ADSS2: variants seen among roughly 807,000 people sequenced by gnomAD.
ADSS2 encodes adenylosuccinate synthetase isozyme 2.
In ADSS2, 30 loss-of-function variants were observed where a neutral mutation model predicts 60.0. The observed-to-expected ratio is 0.50, with a 90% confidence interval of 0.37 to 0.68. The LOEUF (loss-of-function observed/expected upper bound fraction) is 0.68. Ranked by LOEUF, ADSS2 falls within the 30% of genes least tolerant of loss-of-function variation. The probability of loss-of-function intolerance (pLI) is 0.00; values close to 1 mark genes in which losing one functional copy is unlikely to be tolerated. For missense variants in ADSS2, 373 were observed against 554.8 expected (o/e 0.67, Z 3.29); for synonymous variants, 187 against 193.1 (o/e 0.97, Z 0.26).
In ADSS2 at chr1:244,451,504, G is replaced by A; in HGVS notation, c.183+131C>T. On this transcript the variant is annotated intron_variant, in intron 1 of 12. Coordinates refer to ENST00000366535, the MANE Select transcript of ADSS2 (RefSeq NM_001126.5). This position sits in a 1 kb window ranked among gnomAD's most constrained non-coding sequence, Gnocchi z 6.6. The stretch of plus-strand genomic sequence containing the variant: ...CACGTAGCCGCAGCTCAGGACAGGA[G>A]GAGAGAGCCTCAAGGTGACACCTCA... 1 of 1,019,622 alleles carries A rather than the reference G, an allele frequency of 9.8e-7. No homozygotes were observed. Among genetic ancestry groups the A allele is most frequent in the Non-Finnish European group, 1.4e-6 (1 of 716,768 alleles). The allele number at this position is 1,019,622 out of a possible 1,614,324, so 63.2% of individuals were successfully genotyped here.
chr1:244,437,752 C>A lies in ADSS2; in HGVS notation c.200G>T (p.Gly67Val), dbSNP rs1356175146. The A allele has an allele frequency of 1.9e-6, 3 of 1,604,832 alleles. No individual in the cohort carries two copies. Among genetic ancestry groups the A allele is most frequent in the Non-Finnish European group, 2.6e-6 (3 of 1,171,800 alleles). The change falls in exon 2 of 13, where the codon GGC (glycine) becomes GTC (valine). Residue 67 changes from glycine to valine, a missense_variant. Around this residue, in one of 5 missense-constraint regions of ADSS2, gnomAD observed 29 missense variants for 73.3 expected, o/e 0.40. Coordinates refer to ENST00000366535, the MANE Select transcript of ADSS2 (RefSeq NM_001126.5). Reference sequence around the variant, plus strand: ...CACAGAATCCACAACAACTGTATGGCCAGCATTATTTCCTCCCTAAAATGT... The same window carrying A: ...CACAGAATCCACAACAACTGTATGGACAGCATTATTTCCTCCCTAAAATGT... Reference protein sequence around the residue: ...VCRCQGGNNAGHTVVVDSVEY... With the variant: ...VCRCQGGNNAVHTVVVDSVEY...
At chr1:244,450,813 T>C (rs1213775341) in intron 1 of ADSS2, among the ~76,000 whole-genome samples, 1 of 152,212 alleles carries the variant, frequency 6.6e-6, no homozygotes, top group African/African-American at 2.4e-5. Context: ...CATTACCACC[T>C]CGTTTTCCGA....
At chr1:244,437,126 CTAAT>C (rs1237576619) in intron 2 of ADSS2, among the ~76,000 whole-genome samples, 3 of 152,026 alleles carry the variant, frequency 2.0e-5, no homozygotes, top group Non-Finnish European at 2.9e-5. Context: ...TTGAAGGAAA[CTAAT>C]TATGTAATTT....
chr1:244,443,154 G>A (rs563901044), intron 1 of ADSS2, among the ~76,000 whole-genome samples: 1 of 152,286 alleles, frequency 6.6e-6, no homozygotes, highest in Non-Finnish European at 1.5e-5. Flanking sequence ...CAAATGATGG[G>A]AGATATTTTG....
At chr1:244,427,345 T>G (rs1455398349) in intron 4 of ADSS2, among the ~76,000 whole-genome samples, 1 of 151,996 alleles carries the variant, frequency 6.6e-6, no homozygotes, top group African/African-American at 2.4e-5. Context: ...CATAAATTCA[T>G]AAAACAAGAG....
intron 5 of ADSS2, 92 bp downstream of exon 5, chr1:244,424,229 T>C (rs1664742980): frequency 6.0e-6 from 8 of 1,326,924 alleles, no homozygotes; most frequent in African/African-American, 1.5e-5. Flanking sequence ...GATATTCTAA[T>C]ACTTATTTTT....
At chr1:244,437,129 A>G (rs979306973) in intron 2 of ADSS2, among the ~76,000 whole-genome samples, 3 of 152,192 alleles carry the variant, frequency 2.0e-5, no homozygotes, top group African/African-American at 7.2e-5. Context: ...AAGGAAACTA[A>G]TTATGTAATT....
At chr1:244,441,698 T>C (rs1665252269) in intron 1 of ADSS2, among the ~76,000 whole-genome samples, 1 of 152,080 alleles carries the variant, frequency 6.6e-6, no homozygotes, top group Non-Finnish European at 1.5e-5. Flanking sequence ...GGCTCACACC[T>C]GTAATCCCAG....
chr1:244,448,022 C>T (rs1442223927), intron 1 of ADSS2, among the ~76,000 whole-genome samples: 1 of 151,972 alleles, frequency 6.6e-6, no homozygotes, highest in East Asian at 1.9e-4. Context: ...GTATAACAGA[C>T]ATTGGTAAAT....
chr1:244,435,788 T>C (rs959343071), intron 3 of ADSS2, among the ~76,000 whole-genome samples: 3 of 152,256 alleles, frequency 2.0e-5, no homozygotes, highest in African/African-American at 7.2e-5. Flanking sequence ...GTCAAAAATA[T>C]GACATACCAC....
At chr1:244,451,911 A>T, upstream of ADSS2, 1 of 1,314,370 alleles carries the variant, frequency 7.6e-7, no homozygotes, top group Non-Finnish European at 1.0e-6. The surrounding 1 kb of genome is among the most constrained non-coding windows in gnomAD (Gnocchi z 6.6). Flanking sequence ...CATGCAGAGG[A>T]AGAAGGAGCC....
At chr1:244,444,501 C>T (rs1439527820) in intron 1 of ADSS2, among the ~76,000 whole-genome samples, 1 of 64,072 alleles carries the variant, frequency 1.6e-5, no homozygotes, top group Non-Finnish European at 3.0e-5. Context: ...GGCGACAGAG[C>T]GAGACTCCAT....
At chr1:244,447,983 C>T (rs1665435798) in intron 1 of ADSS2, among the ~76,000 whole-genome samples, 1 of 151,902 alleles carries the variant, frequency 6.6e-6, no homozygotes, top group Non-Finnish European at 1.5e-5. Flanking sequence ...AGCACAGTAA[C>T]CAAACAGAAC....
intron 1 of ADSS2, among the ~76,000 whole-genome samples, chr1:244,449,869 G>A (rs1665488464): frequency 1.3e-5 from 2 of 152,006 alleles, no homozygotes; most frequent in South Asian, 4.2e-4. Context: ...ATCAGATCAG[G>A]TTGGTCCATG....
chr1:244,446,354 A>G (rs1214619417), intron 1 of ADSS2, among the ~76,000 whole-genome samples: 1 of 152,250 alleles, frequency 6.6e-6, no homozygotes, highest in Non-Finnish European at 1.5e-5. Flanking sequence ...AGAGCAGGTT[A>G]AGTTACTACC....
Position 244,418,895 on chromosome 1 carries a change from G to A in ADSS2, c.810C>T (p.Thr270=). The change falls in exon 9 of 13, where the codon ACC becomes ACT. Residue 270 remains threonine, a synonymous_variant. Transcript: ENST00000366535. ...CACCTCCAACAGTACAATTTGAAGA[G>A]GTTACAAAAGGGTAAGTCCCTAAAA... ...DIDFGTYPFV[T]SSNCTVGGVC... is the part of the protein sequence containing the mutation. 6.2e-7 allele frequency: 1 copy of A among 1,606,846 alleles called. No homozygotes were observed. Among genetic ancestry groups the A allele is most frequent in the Non-Finnish European group, 8.5e-7 (1 of 1,177,578 alleles).
intron 4 of ADSS2, among the ~76,000 whole-genome samples, chr1:244,431,949 T>C (rs1021600042): frequency 1.3e-5 from 2 of 152,218 alleles, no homozygotes; most frequent in African/African-American, 4.8e-5. Flanking sequence ...CATACTTAAA[T>C]ACAATTTAAG....
At chr1:244,447,652 A>T (rs997165629) in intron 1 of ADSS2, among the ~76,000 whole-genome samples, 2 of 152,204 alleles carry the variant, frequency 1.3e-5, no homozygotes, top group Admixed American at 1.3e-4. Flanking sequence ...AAGAGATAAG[A>T]TTTTAATATA....
chr1:244,427,204 G>A (rs971868626), intron 4 of ADSS2, among the ~76,000 whole-genome samples: 15 of 152,060 alleles, frequency 9.9e-5, no homozygotes, highest in African/African-American at 3.6e-4. Context: ...TAAAGAACTG[G>A]CCAGCAACTT....
Sources: allele counts gnomAD v4.1 joint callset (sites outside exome capture counted in the v4.1 genomes callset), GRCh38; gene constraint gnomAD v4.1.1; regional missense constraint gnomAD v4.1.1; non-coding constraint Gnocchi (gnomAD v3.1); transcripts MANE v1.5; gene names NCBI Gene and HGNC (gene_info 2026-07-23, HGNC 2026-07-21).